Variants in FNBP1 observed in about 807,000 individuals in gnomAD.
The protein encoded by FNBP1 is formin binding protein 1, also known as formin-binding protein 1.
FNBP1 carries 26 observed loss-of-function variants against 90.6 expected under a neutral mutation model. The observed-to-expected ratio is 0.29, with a 90% CI of 0.21 to 0.40. The LOEUF (loss-of-function observed/expected upper bound fraction) is 0.40. Among genes scored for constraint, FNBP1 ranks in the 10% least tolerant of loss-of-function variants. The pLI is 1.00. For missense variants in FNBP1, 635 were observed against 768.0 expected, an observed-to-expected ratio of 0.83 and a Z score of 2.05; for synonymous variants, 260 against 265.2, an observed-to-expected ratio of 0.98 and a Z score of 0.19.
At chr9:129,912,903 A>G (rs2131622899) in intron 11 of FNBP1, among the ~76,000 whole-genome samples, 1 of 152,154 alleles carries the variant, frequency 6.6e-6, no homozygotes, top group East Asian at 1.9e-4. Flanking sequence ...ATTTTTAAAA[A>G]TTTATTTAAT....
chr9:130,032,816 C>A (rs1446484156), intron 1 of FNBP1, among the ~76,000 whole-genome samples: 1 of 151,794 alleles, frequency 6.6e-6, no homozygotes, highest in African/African-American at 2.4e-5. Context: ...CTTAAGAAGG[C>A]CCAAGTATAC....
In FNBP1 at chr9:130,042,565, G is replaced by A. The variant is rs1438766499; in HGVS notation, c.24+387C>T. Among the ~76,000 whole-genome samples, 1 of 151,568 alleles carries A rather than the reference G, an allele frequency of 6.6e-6. No individual in the cohort carries two copies. The highest frequency in any genetic ancestry group is 2.0e-4 in the East Asian group (1 of 5,116). On this transcript the variant is annotated intron_variant, in intron 1 of 16. Coordinates refer to ENST00000446176, the MANE Select transcript of FNBP1 (RefSeq NM_015033.3). This position sits in a 1 kb window ranked among gnomAD's most constrained non-coding sequence, Gnocchi z 5.5. ...GGGGCGCCCCGAGACCCAACGCAGC[G>A]CCGCGCAGCCGGGGCCTCCACGCCC...
chr9:129,900,237 C>T lies in FNBP1; in HGVS notation c.1551-136G>A, dbSNP rs1281535595. On this transcript the variant is annotated intron_variant, in intron 14 of 16. Coordinates refer to ENST00000446176, the MANE Select transcript of FNBP1 (RefSeq NM_015033.3). The surrounding 1 kb of genome is among the most constrained non-coding windows in gnomAD (Gnocchi z 4.1). ...TGTAACTGAGGCCATGGTAAATCAT[C>T]GCACGCTCAGATCACCCATCCCATG... is the stretch of plus-strand genomic sequence containing the variant. 81 of 1,157,154 alleles carry T rather than the reference C, an allele frequency of 7.0e-5. No homozygotes were observed. Among genetic ancestry groups the T allele is most frequent in the Non-Finnish European group, 9.2e-5 (78 of 849,472 alleles). The allele number at this position is 1,157,154 out of a possible 1,614,324, so 71.7% of individuals were successfully genotyped here. A position where few individuals can be genotyped will look rare whatever the true frequency, so the allele number is the denominator to read the frequency against.
the FNBP1 span, among the ~76,000 whole-genome samples, chr9:130,053,273 C>A: frequency 6.6e-6 from 1 of 152,160 alleles, no homozygotes; most frequent in Admixed American, 6.5e-5. Flanking sequence ...CCAGCTCAAC[C>A]TGGAGCAAAT....
intron 1 of FNBP1, among the ~76,000 whole-genome samples, chr9:130,040,062 C>G (rs924712106): frequency 1.8e-4 from 27 of 152,160 alleles, no homozygotes; most frequent in African/African-American, 6.5e-4. Flanking sequence ...AAGGAAAACC[C>G]TTAATCACTG....
intron 6 of FNBP1, among the ~76,000 whole-genome samples, chr9:129,933,277 G>A (rs2043017491): frequency 6.6e-6 from 1 of 152,022 alleles, no homozygotes; most frequent in Non-Finnish European, 1.5e-5. Context: ...AAAGCTTTCT[G>A]ACAATAAATC....
intron 15 of FNBP1, among the ~76,000 whole-genome samples, chr9:129,897,723 G>A (rs2036036606): frequency 6.6e-6 from 1 of 152,152 alleles, no homozygotes; most frequent in African/African-American, 2.4e-5. Flanking sequence ...GATTACAGGT[G>A]TGAGCCACTG....
intron 2 of FNBP1, among the ~76,000 whole-genome samples, chr9:129,980,057 A>G (rs961952686): frequency 6.6e-6 from 1 of 151,724 alleles, no homozygotes; most frequent in Non-Finnish European, 1.5e-5. Flanking sequence ...ACTGTGTCCA[A>G]ATGTTTAAAA....
In FNBP1 at chr9:129,889,902, G is replaced by A. The variant is rs531962418; in HGVS notation, c.*637C>T. 120 of 235,282 alleles carry A rather than the reference G, an allele frequency of 5.1e-4. No individual in the cohort carries two copies. Among genetic ancestry groups the A allele is most frequent in the Non-Finnish European group, 4.6e-4 (55 of 119,364 alleles). The allele number at this position is 235,282 out of a possible 1,614,324, so 14.6% of individuals were successfully genotyped here. ...TGTGTACTGGTGGGTGTGCCTGTGG[G>A]TGTGTGTGTACCTGCCCCCCTGCCT... On this transcript the variant is annotated 3_prime_UTR_variant, in exon 17 of 17. Coordinates refer to ENST00000446176, the MANE Select transcript of FNBP1 (RefSeq NM_015033.3).
intron 10 of FNBP1, among the ~76,000 whole-genome samples, chr9:129,918,085 A>C (rs572049293): frequency 6.6e-6 from 1 of 152,342 alleles, no homozygotes; most frequent in East Asian, 1.9e-4. Flanking sequence ...ATTCTTTCTT[A>C]AGCATTCCAC....
intron 6 of FNBP1, among the ~76,000 whole-genome samples, chr9:129,949,952 C>T (rs1228245510): frequency 1.3e-5 from 2 of 151,992 alleles, no homozygotes; most frequent in African/African-American, 2.4e-5. Flanking sequence ...ACAGGCTTAC[C>T]GTTCCCAGTG....
At chr9:129,942,842 T>C (rs2044528970) in intron 6 of FNBP1, among the ~76,000 whole-genome samples, 1 of 146,652 alleles carries the variant, frequency 6.8e-6, no homozygotes, top group Admixed American at 7.2e-5. Flanking sequence ...GGCTTTTTTC[T>C]TTCTTTTTTT....
intron 2 of FNBP1, among the ~76,000 whole-genome samples, chr9:129,993,496 C>T (rs75104416): frequency 1.8e-5 from 2 of 111,214 alleles, no homozygotes; most frequent in East Asian, 5.4e-4. Context: ...AAAAAAAAAA[C>T]AGAGACAGGG....
At chr9:130,005,856 A>C (rs2055621085) in intron 1 of FNBP1, among the ~76,000 whole-genome samples, 1 of 152,232 alleles carries the variant, frequency 6.6e-6, no homozygotes. Context: ...CAAGGATCAC[A>C]GATACCTTAT....
intron 10 of FNBP1, among the ~76,000 whole-genome samples, chr9:129,920,795 C>T (rs1189505234): frequency 6.6e-6 from 1 of 151,766 alleles, no homozygotes; most frequent in African/African-American, 2.4e-5. Flanking sequence ...CATGAGAGTC[C>T]AAAAAAATAC....
upstream of FNBP1, among the ~76,000 whole-genome samples, chr9:130,048,049 G>A (rs906285130): frequency 2.1e-4 from 32 of 151,984 alleles, no homozygotes; most frequent in Non-Finnish European, 4.4e-4. Context: ...GCCAGACGCA[G>A]TGGCTCACGC....
At chr9:129,947,944 A>G (rs145349699) in intron 6 of FNBP1, among the ~76,000 whole-genome samples, 57 of 151,530 alleles carry the variant, frequency 3.8e-4, no homozygotes, top group African/African-American at 1.4e-3. Flanking sequence ...TTAAAAGATA[A>G]GTCCATGAAG....
rs112757767 is a variant in FNBP1 at position 129,911,010 on chromosome 9, G to T, written c.1186-2011C>A. ...AAAGACTTGTTTTCCGTATACTATG[G>T]TGCTACAATATTTATTTGAAAACTG... On this transcript the variant is annotated intron_variant, in intron 11 of 16. Coordinates refer to ENST00000446176, the MANE Select transcript of FNBP1 (RefSeq NM_015033.3). Among the ~76,000 whole-genome samples, 1,365 of 152,186 alleles carry T rather than the reference G, an allele frequency of 9.0e-3. 7 individuals are homozygous for T. The highest frequency in any genetic ancestry group is 0.014 in the Non-Finnish European group (963 of 68,006).
rs1199440635 is a variant in FNBP1, at chr9:129,987,022, T to C, written c.141-7648A>G. Among the ~76,000 whole-genome samples the C allele has an allele frequency of 2.6e-5, 4 of 152,148 alleles. No homozygotes were observed. In the East Asian group the frequency reaches 5.8e-4, roughly 22 times the overall value. ...TCCAAGGCATTGCTTAGTGAAGTTATCAGACTGCTAAGATGAACTAAAATT... is the reference window on the plus strand; with the variant it reads ...TCCAAGGCATTGCTTAGTGAAGTTACCAGACTGCTAAGATGAACTAAAATT... On this transcript the variant is annotated intron_variant, in intron 2 of 16. Transcript: ENST00000446176.
Sources: gnomAD v4.1 joint callset for allele counts (sites outside exome capture counted in the v4.1 genomes callset) on GRCh38, gnomAD v4.1.1 for gene constraint, Gnocchi (gnomAD v3.1) non-coding constraint, MANE v1.5 for transcripts, NCBI Gene and HGNC (gene_info 2026-07-23, HGNC 2026-07-21) for gene names.